Variants in UNC5C observed in about 807,000 individuals in gnomAD.
UNC5C encodes netrin receptor UNC5C.
A neutral mutation model predicts 99.8 loss-of-function variants in UNC5C; 47 were observed. The observed-to-expected ratio is 0.47, with a 90% confidence interval of 0.37 to 0.60. UNC5C has a LOEUF of 0.60. UNC5C is among the 20% of genes least tolerant of loss of function. The pLI, the probability that UNC5C is intolerant of heterozygous loss-of-function variation, is 0.00. For missense variants in UNC5C, 1,062 were observed against 1,165.9 expected (o/e 0.91, Z 1.30); for synonymous variants, 487 against 452.2 (o/e 1.08, Z -0.98).
rs569060002 is a variant in UNC5C at position 95,248,305 on chromosome 4, G to A, written c.775+2182C>T. ...ATTTACTTAATATAACTTTTACATG[G>A]CCTAAGAAAATGAAGACCCAAAGAT... On this transcript the variant is annotated intron_variant, in intron 5 of 15. Coordinates refer to ENST00000453304, the MANE Select transcript of UNC5C (RefSeq NM_003728.4). 2.3e-5 allele frequency: 6 copies of A among 260,196 alleles called. No homozygotes were observed. The East Asian group carries it at 8.2e-4, about 35-fold the overall frequency. The allele number at this position is 260,196 out of a possible 1,614,324, so 16.1% of individuals were successfully genotyped here. A position where few individuals can be genotyped will look rare whatever the true frequency, so the allele number is the denominator to read the frequency against.
chr4:95,252,078 C>CTGT (rs1413287493), intron 4 of UNC5C, among the ~76,000 whole-genome samples: 1 of 152,170 alleles, frequency 6.6e-6, no homozygotes, highest in Non-Finnish European at 1.5e-5. Flanking sequence ...ACAGACTCTA[C>CTGT]ATTCAGTCAG....
intron 1 of UNC5C, among the ~76,000 whole-genome samples, chr4:95,479,063 G>A (rs916220308): frequency 5.3e-5 from 8 of 151,926 alleles, no homozygotes; most frequent in Admixed American, 5.3e-4. Flanking sequence ...CCAGAACCAT[G>A]AGCCAAATAA....
intron 4 of UNC5C, among the ~76,000 whole-genome samples, chr4:95,258,457 G>A (rs919273427): frequency 1.3e-5 from 2 of 152,062 alleles, no homozygotes; most frequent in African/African-American, 4.8e-5. Flanking sequence ...AAAACAGGTT[G>A]GAGTTCAGAA....
intron 14 of UNC5C, among the ~76,000 whole-genome samples, 162 bp from the exon 15 acceptor site, chr4:95,170,494 T>A (rs992752774): frequency 1.3e-5 from 2 of 152,182 alleles, no homozygotes; most frequent in African/African-American, 4.8e-5. Flanking sequence ...AAGTTGTGCA[T>A]CACTAGATGT....
At chr4:95,212,131 C>T (rs1738093903) in intron 10 of UNC5C, among the ~76,000 whole-genome samples, 1 of 152,148 alleles carries the variant, frequency 6.6e-6, no homozygotes, top group African/African-American at 2.4e-5. Flanking sequence ...TATCCTCACA[C>T]ATTGCTTTAT....
chr4:95,185,857 T>TAAAC, intron 12 of UNC5C, among the ~76,000 whole-genome samples: 1 of 152,336 alleles, frequency 6.6e-6, no homozygotes, highest in Non-Finnish European at 1.5e-5. Flanking sequence ...GGAAGGTTTT[T>TAAAC]AAACACCAAA....
chr4:95,312,674 C>A (rs1219384190), intron 2 of UNC5C, among the ~76,000 whole-genome samples: 1 of 152,160 alleles, frequency 6.6e-6, no homozygotes, highest in African/African-American at 2.4e-5. Context: ...TTTCACTACA[C>A]CAATATTCCT....
In UNC5C at chr4:95,245,015, T is replaced by C; in HGVS notation, c.905A>G (p.Gln302Arg). The C allele has an allele frequency of 6.2e-7, 1 of 1,613,988 alleles. No homozygotes were observed. The highest frequency in any genetic ancestry group is 8.5e-7 in the Non-Finnish European group (1 of 1,179,958). ...AGTACAGGCTATTTTCTGCACACTCTGCCCTTCACAGAAGGCACCCCCATT... is the reference window on the plus strand; with the variant it reads ...AGTACAGGCTATTTTCTGCACACTCCGCCCTTCACAGAAGGCACCCCCATT... ...PLNGGAFCEG[Q>R]SVQKIACTTL... The change falls in exon 6 of 16, where the codon CAG becomes CGG. Residue 302 changes from glutamine (Q) to arginine (R), a missense_variant. Gln to Arg is a conservative substitution (Grantham distance 43, BLOSUM62 1). Coordinates refer to ENST00000453304, the MANE Select transcript of UNC5C (RefSeq NM_003728.4).
chr4:95,210,345 A>G (rs1414914402), intron 10 of UNC5C, among the ~76,000 whole-genome samples: 1 of 152,258 alleles, frequency 6.6e-6, no homozygotes, highest in East Asian at 1.9e-4. Context: ...GGCTTTCAAG[A>G]TGACATAAAT....
intron 1 of UNC5C, among the ~76,000 whole-genome samples, chr4:95,514,294 AG>A (rs1307053891): frequency 6.6e-6 from 1 of 152,204 alleles, no homozygotes; most frequent in Non-Finnish European, 1.5e-5. Flanking sequence ...ATATAAATTA[AG>A]GGAAGACCAG....
rs1743588871 is a variant in UNC5C, at chr4:95,341,751, T to C, written c.125-6120A>G. Among the ~76,000 whole-genome samples the C allele has an allele frequency of 2.6e-5, 4 of 152,134 alleles. No homozygotes were observed. The South Asian group carries it at 8.3e-4, about 32-fold the overall frequency. On this transcript the variant is annotated intron_variant, in intron 1 of 15. Coordinates refer to ENST00000453304, the MANE Select transcript of UNC5C (RefSeq NM_003728.4). ...AACTTCATATCACTGAAAAATGCAC[T>C]GAAGAATGTAGGAAAGACAGTCTTG...
intron 1 of UNC5C, among the ~76,000 whole-genome samples, chr4:95,366,385 G>T (rs188310619): frequency 2.7e-3 from 412 of 152,304 alleles, no homozygotes; most frequent in Non-Finnish European, 3.7e-3. Context: ...AAGATTTACT[G>T]TAAGAGATGA....
intron 1 of UNC5C, among the ~76,000 whole-genome samples, chr4:95,364,579 C>T (rs17023624): frequency 0.14 from 20,724 of 152,120 alleles, 1,694 homozygotes; most frequent in African/African-American, 0.21. Context: ...GCTGGTTTTA[C>T]GGAGAAGGCA....
intron 1 of UNC5C, among the ~76,000 whole-genome samples, chr4:95,407,164 T>C (rs966045343): frequency 3.9e-5 from 6 of 152,182 alleles, no homozygotes; most frequent in African/African-American, 1.4e-4. Context: ...AGATGAGTTA[T>C]TAAAAGCTAA....
intron 1 of UNC5C, among the ~76,000 whole-genome samples, chr4:95,514,608 A>G (rs1389406795): frequency 6.7e-6 from 1 of 149,852 alleles, no homozygotes; most frequent in African/African-American, 2.4e-5. Flanking sequence ...TGTGTGTTCT[A>G]TAAGAGCAGC....
intron 1 of UNC5C, among the ~76,000 whole-genome samples, chr4:95,519,663 A>T (rs561298496): frequency 2.5e-4 from 38 of 152,306 alleles, no homozygotes; most frequent in Non-Finnish European, 3.8e-4. Context: ...TTCTTTTGTC[A>T]ATACTAGTGA....
At chr4:95,319,899 T>C (rs1179319557) in intron 2 of UNC5C, among the ~76,000 whole-genome samples, 1 of 152,040 alleles carries the variant, frequency 6.6e-6, no homozygotes, top group African/African-American at 2.4e-5. Flanking sequence ...CAGAAACAAA[T>C]AGAATGGAAC....
chr4:95,489,084 A>C, intron 1 of UNC5C, among the ~76,000 whole-genome samples: 1 of 133,264 alleles, frequency 7.5e-6, no homozygotes, highest in South Asian at 2.8e-4. Context: ...GGAGGCAGGG[A>C]GAGAGGGAGG....
chr4:95,354,629 G>A (rs1423889881), intron 1 of UNC5C, among the ~76,000 whole-genome samples: 1 of 151,602 alleles, frequency 6.6e-6, no homozygotes, highest in African/African-American at 2.4e-5. Flanking sequence ...CTACAGGCAT[G>A]CACCACTATG....
Sources: gnomAD v4.1 joint callset for allele counts (sites outside exome capture counted in the v4.1 genomes callset) on GRCh38, gnomAD v4.1.1 for gene constraint, MANE v1.5 for transcripts, NCBI Gene and HGNC (gene_info 2026-07-23, HGNC 2026-07-21) for gene names.